The following PPP1R12B variants were observed in gnomAD, a reference collection of about 807,000 sequenced individuals.
PPP1R12B encodes the protein myosin phosphatase target subunit 2.
In PPP1R12B, 76 loss-of-function variants were observed where a neutral mutation model predicts 126.1. The ratio of observed to expected loss-of-function variants is 0.60; its 90% confidence interval spans 0.50 to 0.73. The LOEUF (loss-of-function observed/expected upper bound fraction) is 0.73, where lower values mean the gene tolerates loss of function less well. Ranked by LOEUF, PPP1R12B falls within the 30% of genes least tolerant of loss-of-function variation. The pLI is 0.00. For synonymous variants in PPP1R12B, 356 were observed against 434.7 expected (o/e 0.82, Z 2.25); for missense variants, 1,052 against 1,205.1 (o/e 0.87, Z 1.88).
Position 202,561,385 on chromosome 1 carries a change from C to T in PPP1R12B, c.2508-1393C>T, listed in dbSNP as rs78175562. Among the ~76,000 whole-genome samples, 205 of 138,462 alleles carry T rather than the reference C, an allele frequency of 1.5e-3. 1 individual carries two copies. The highest frequency in any genetic ancestry group is 1.2e-3 in the Non-Finnish European group (78 of 63,752). 90.8% of individuals were successfully genotyped at this position (138,462 alleles called of 152,430 possible). ...GGCATGTAATGGAGAAGACTGCAGT[C>T]TTTTTTTTTTTTTTAGTGAGGCAAA... On this transcript the variant is annotated intron_variant, in intron 19 of 23. Coordinates refer to ENST00000608999, the MANE Select transcript of PPP1R12B (RefSeq NM_002481.4).
chr1:202,473,034 A>G (rs1676144749), intron 13 of PPP1R12B, among the ~76,000 whole-genome samples: 1 of 152,184 alleles, frequency 6.6e-6, no homozygotes, highest in African/African-American at 2.4e-5. Context: ...CACTCTTGAC[A>G]TTTGGGGCCA....
At position 202,589,285 on chromosome 1, in the gene PPP1R12B, T is replaced by C. The variant is rs1187487625; in HGVS notation, c.*8725T>C. 1.3e-5 allele frequency: 2 copies of C among 152,240 alleles called. No homozygotes were observed. The highest frequency in any genetic ancestry group is 4.8e-5 in the African/African-American group (2 of 41,454). The allele number at this position is 152,240 out of a possible 1,614,324, so 9.4% of individuals were successfully genotyped here. On this transcript the variant is annotated 3_prime_UTR_variant, in exon 24 of 24. Transcript: ENST00000608999. ...ACCCCAGGCAGCCAGGATCTGGGTC[T>C]GGTTTCTCCATCCAGCAAGCCCTGC...
intron 3 of PPP1R12B, 123 bp from the exon 4 acceptor site, chr1:202,425,443 A>C: frequency 4.6e-6 from 5 of 1,095,870 alleles, no homozygotes; most frequent in Non-Finnish European, 6.6e-6. Context: ...ATAATTACCC[A>C]ACTTGATGGC....
At chr1:202,457,082 C>G (rs892776488) in intron 13 of PPP1R12B, among the ~76,000 whole-genome samples, 1 of 152,102 alleles carries the variant, frequency 6.6e-6, no homozygotes, top group African/African-American at 2.4e-5. Context: ...CGTATAGGAA[C>G]AGTTTGGTAA....
At chr1:202,442,648 T>G in intron 12 of PPP1R12B, 76 bp downstream of exon 12, 1 of 1,401,404 alleles carries the variant, frequency 7.1e-7, no homozygotes, top group Non-Finnish European at 9.6e-7. Context: ...GTATGCCTTT[T>G]TATGTCCAAT....
chr1:202,362,567 C>T (rs1262467285), intron 1 of PPP1R12B, among the ~76,000 whole-genome samples: 2 of 151,784 alleles, frequency 1.3e-5, no homozygotes, highest in African/African-American at 4.8e-5. Context: ...ATCATTGGCA[C>T]CAGTTTTCAG....
At chr1:202,446,867 C>T (rs1672364583) in intron 12 of PPP1R12B, among the ~76,000 whole-genome samples, 2 of 151,718 alleles carry the variant, frequency 1.3e-5, no homozygotes, top group African/African-American at 2.4e-5. Flanking sequence ...CAGGTTCTTT[C>T]GCTCCACAGT....
chr1:202,462,352 A>G (rs1487533227), intron 13 of PPP1R12B, among the ~76,000 whole-genome samples: 2 of 152,118 alleles, frequency 1.3e-5, no homozygotes, highest in African/African-American at 2.4e-5. Flanking sequence ...TGCCAACACC[A>G]TCTCACTTCA....
chr1:202,456,241 C>T (rs1673615748), intron 13 of PPP1R12B, among the ~76,000 whole-genome samples: 1 of 151,244 alleles, frequency 6.6e-6, no homozygotes, highest in Non-Finnish European at 1.5e-5. Context: ...TGCACTCCAG[C>T]CTGGGCGACA....
chr1:202,522,748 G>A (rs997640798), intron 18 of PPP1R12B, among the ~76,000 whole-genome samples: 8 of 152,100 alleles, frequency 5.3e-5, no homozygotes, highest in African/African-American at 1.7e-4. Context: ...ACCACCAAGT[G>A]AAAGCTGGCA....
intron 18 of PPP1R12B, among the ~76,000 whole-genome samples, chr1:202,543,878 C>T (rs887887069): frequency 1.3e-5 from 2 of 152,166 alleles, no homozygotes; most frequent in African/African-American, 4.8e-5. Context: ...CTATTTTGGT[C>T]TCTGTTGATC....
At chr1:202,441,329 AAT>A (rs2148694171) in intron 11 of PPP1R12B, among the ~76,000 whole-genome samples, 1 of 152,254 alleles carries the variant, frequency 6.6e-6, no homozygotes, top group African/African-American at 2.4e-5. Context: ...TTTTATTAAA[AAT>A]AATTTTCTTT....
At chr1:202,432,705 T>A (rs1285935398) in intron 8 of PPP1R12B, among the ~76,000 whole-genome samples, 1 of 152,216 alleles carries the variant, frequency 6.6e-6, no homozygotes, top group Non-Finnish European at 1.5e-5. Flanking sequence ...GAGAAAAGAA[T>A]AGTGTACCTA....
chr1:202,428,981 A>C, intron 6 of PPP1R12B, 52 bp downstream of exon 6: 1 of 1,445,018 alleles, frequency 6.9e-7, no homozygotes, highest in Non-Finnish European at 9.5e-7. Flanking sequence ...TGCAGTTCAC[A>C]CCAAGTATCT....
intron 1 of PPP1R12B, among the ~76,000 whole-genome samples, chr1:202,349,703 G>C (rs1655589726): frequency 6.6e-6 from 1 of 152,124 alleles, no homozygotes. Flanking sequence ...GCTGGACCTC[G>C]TTGTTTTAGG....
intron 23 of PPP1R12B, chr1:202,577,120 T>C (rs2149040824): frequency 6.6e-6 from 1 of 152,298 alleles, no homozygotes. Context: ...AAAGCCTAAC[T>C]TCTAAAGAGC....
intron 1 of PPP1R12B, among the ~76,000 whole-genome samples, chr1:202,394,757 A>G (rs1664691219): frequency 6.6e-6 from 1 of 151,488 alleles, no homozygotes; most frequent in African/African-American, 2.4e-5. Context: ...TCTGTCTCAG[A>G]AAAAAAAAGG....
At chr1:202,472,081 C>G (rs976310198) in intron 13 of PPP1R12B, 1 of 1,587,596 alleles carries the variant, frequency 6.3e-7, no homozygotes, top group Admixed American at 1.7e-5. Context: ...TTCTCCTCTT[C>G]TGGAGAGGGA....
Position 202,508,923 on chromosome 1 carries a change from CT to C in PPP1R12B, c.2490+12104del, listed in dbSNP as rs1681116325. On this transcript the variant is annotated intron_variant, in intron 18 of 23. Transcript: ENST00000608999. The surrounding 1 kb of genome is among the most constrained non-coding windows in gnomAD (Gnocchi z 4.5). ...AGGGCCTGATAGTAAATATTTTCCA[CT>C]TTACTGGCCACGTAATCTGTTGCAA... 6.6e-6 allele frequency among the ~76,000 whole-genome samples: 1 copy of C among 152,232 alleles called. No homozygotes were observed. The highest frequency in any genetic ancestry group is 6.5e-5 in the Admixed American group (1 of 15,288).
Sources: allele counts gnomAD v4.1 joint callset (sites outside exome capture counted in the v4.1 genomes callset), GRCh38; gene constraint gnomAD v4.1.1; non-coding constraint Gnocchi (gnomAD v3.1); transcripts MANE v1.5; gene names NCBI Gene and HGNC (gene_info 2026-07-23, HGNC 2026-07-21).